EMP3: variants seen among roughly 807,000 people sequenced by gnomAD.
The protein encoded by EMP3 is epithelial membrane protein 3.
In EMP3, 15 loss-of-function variants were observed where a neutral mutation model predicts 21.6. The observed-to-expected ratio is 0.69, with a 90% CI of 0.46 to 1.07. The LOEUF is 1.07. EMP3 is among the 50% of genes least tolerant of loss of function. EMP3 has a pLI of 0.00. For missense variants in EMP3, 183 were observed against 206.6 expected, an observed-to-expected ratio of 0.89 and a Z score of 0.70; for synonymous variants, 107 against 86.1, an observed-to-expected ratio of 1.24 and a Z score of -1.34.
Position 48,327,575 on chromosome 19 carries a change from T to C in EMP3, c.133T>C (p.Trp45Arg). The C allele has an allele frequency of 6.2e-7, 1 of 1,613,924 alleles. No individual in the cohort carries two copies. Among genetic ancestry groups the C allele is most frequent in the East Asian group, 2.2e-5 (1 of 44,870 alleles). ...ESLNLWYDCTWNNDTKTWACS... is the reference protein window; with the variant it reads ...ESLNLWYDCTRNNDTKTWACS... ...CCTGAATCTCTGGTACGACTGCACG[T>C]GGAACAACGACACCAAAACATGGGC... is the stretch of plus-strand genomic sequence containing the variant. Residue 45 changes from tryptophan to arginine, a missense_variant, in exon 3 of 5, where the codon TGG (tryptophan) becomes CGG (arginine). Transcript: ENST00000270221.
In EMP3 at chr19:48,329,483, C is replaced by T. The variant is rs761998463; in HGVS notation, c.313C>T (p.Leu105Phe). The change falls in exon 4 of 5, where the codon CTT (leucine) becomes TTT (phenylalanine). Residue 105 changes from leucine (L) to phenylalanine (F), a missense_variant. Coordinates refer to ENST00000270221, the MANE Select transcript of EMP3 (RefSeq NM_001425.3). This position sits in a 1 kb window ranked among gnomAD's most constrained non-coding sequence, Gnocchi z 4.5. ...CTTCTATGCCACCGGCCTCTGCCAG[C>T]TTTGCACCAGTGAGCACTGCCCCTC... ...GLFYATGLCQLCTSVAVFTGA... is the reference protein window; with the variant it reads ...GLFYATGLCQFCTSVAVFTGA... The T allele has an allele frequency of 1.4e-5, 22 of 1,614,148 alleles. No homozygotes were observed. The South Asian group carries it at 2.4e-4, about 18-fold the overall frequency.
intron 3 of EMP3, 36 bp downstream of exon 3, chr19:48,327,659 G>A: frequency 6.3e-6 from 10 of 1,585,582 alleles, no homozygotes; most frequent in Middle Eastern, 1.7e-4. Context: ...GTCTTCAAAG[G>A]GGAAGGTAAA....
In EMP3 at chr19:48,327,569, T is replaced by C. The variant is rs1476209533; in HGVS notation, c.127T>C (p.Cys43Arg). 2 of 1,613,960 alleles carry C rather than the reference T, an allele frequency of 1.2e-6. No homozygotes were observed. Among genetic ancestry groups the C allele is most frequent in the Non-Finnish European group, 1.7e-6 (2 of 1,179,966 alleles). The change falls in exon 3 of 5, where the codon TGC (cysteine) becomes CGC (arginine). Residue 43 changes from cysteine to arginine, a missense_variant. By Grantham distance (180) the Cys-to-Arg change is radical. Coordinates refer to ENST00000270221, the MANE Select transcript of EMP3 (RefSeq NM_001425.3). ...AGAGTCCCTGAATCTCTGGTACGACTGCACGTGGAACAACGACACCAAAAC... is the reference window on the plus strand; with the variant it reads ...AGAGTCCCTGAATCTCTGGTACGACCGCACGTGGAACAACGACACCAAAAC... The part of the protein sequence containing the change: ...GKESLNLWYD[C>R]TWNNDTKTWA...
Position 48,329,356 on chromosome 19 carries a change from GC to G in EMP3, c.187del (p.Leu63Ter). ...ACSNVSENGW[L>X]KAVQVLMVLS... is the part of the protein sequence containing the mutation. ...TCTGTGTCCTCCTTACTGCAGGCTG[GC>G]TGAAGGCGGTGCAGGTCCTCATGGT... On this transcript the variant is annotated frameshift_variant, in exon 4 of 5. Transcript: ENST00000270221. LOFTEE classifies it high-confidence loss of function. The surrounding 1 kb of genome is among the most constrained non-coding windows in gnomAD (Gnocchi z 4.5). The G allele has an allele frequency of 6.2e-7, 1 of 1,614,108 alleles. No individual in the cohort carries two copies. Among genetic ancestry groups the G allele is most frequent in the Non-Finnish European group, 8.5e-7 (1 of 1,180,016 alleles).
chr19:48,328,121 G>A (rs748441117), intron 3 of EMP3, among the ~76,000 whole-genome samples: 1 of 152,068 alleles, frequency 6.6e-6, no homozygotes, highest in Non-Finnish European at 1.5e-5. Context: ...CTCCTGTTCT[G>A]AAGAGGCCAT....
Position 48,326,508 on chromosome 19 carries a change from T to G in EMP3, c.-15-322T>G, listed in dbSNP as rs571905966. Among the ~76,000 whole-genome samples the G allele has an allele frequency of 3.4e-3, 521 of 151,658 alleles. 3 individuals are homozygous for G. Among genetic ancestry groups the G allele is most frequent in the Non-Finnish European group, 5.8e-3 (393 of 67,808 alleles). ...TTTATGCCAAATTTTTTTTTTTTTT[T>G]GAGACGGAGTCTTTCTCTGTCACCC... On this transcript the variant is annotated intron_variant, in intron 1 of 4. Coordinates refer to ENST00000270221, the MANE Select transcript of EMP3 (RefSeq NM_001425.3).
At chr19:48,330,225 T>G in intron 4 of EMP3, 76 bp from the exon 5 acceptor site, 1 of 1,468,198 alleles carries the variant, frequency 6.8e-7, no homozygotes, top group East Asian at 2.6e-5. Context: ...CTCCGGCGCT[T>G]CTTTGCCCCC....
chr19:48,326,745 C>A, intron 1 of EMP3, 85 bp from the exon 2 acceptor site: 1 of 1,156,694 alleles, frequency 8.6e-7, no homozygotes, highest in Non-Finnish European at 1.3e-6. Context: ...CCGCCTCGGC[C>A]TCCCAAAGTG....
chr19:48,329,403 G>C lies in EMP3; in HGVS notation c.233G>C (p.Cys78Ser), dbSNP rs370028365. The change falls in exon 4 of 5, where the codon TGT (cysteine) becomes TCT (serine). Residue 78 changes from cysteine to serine, a missense_variant. Coordinates refer to ENST00000270221, the MANE Select transcript of EMP3 (RefSeq NM_001425.3). This position sits in a 1 kb window ranked among gnomAD's most constrained non-coding sequence, Gnocchi z 4.5. The stretch of plus-strand genomic sequence containing the variant: ...ATGGTGCTCTCCCTCATTCTCTGCT[G>C]TCTCTCCTTCATCCTGTTCATGTTC... The part of the protein sequence containing the change: ...VLMVLSLILC[C>S]LSFILFMFQL... 6.2e-7 allele frequency: 1 copy of C among 1,614,062 alleles called. No individual in the cohort carries two copies. The highest frequency in any genetic ancestry group is 8.5e-7 in the Non-Finnish European group (1 of 1,180,004).
At position 48,330,433 on chromosome 19, in the gene EMP3, G is replaced by A. The variant is rs1969190484; in HGVS notation, c.455G>A (p.Ser152Asn). The change falls in exon 5 of 5, where the codon AGC becomes AAC. Residue 152 changes from serine to asparagine, a missense_variant. Ser to Asn is a conservative substitution (Grantham distance 46, BLOSUM62 1). Transcript: ENST00000270221. ...AWVAFPLALV[S>N]GIIYIHLRKR... is the part of the protein sequence containing the mutation. ...GTGGCCTTCCCCCTCGCCCTGGTCA[G>A]CGGCATCATCTACATCCACCTACGG... 1.3e-6 allele frequency: 2 copies of A among 1,596,764 alleles called. No individual in the cohort carries two copies. Among genetic ancestry groups the A allele is most frequent in the Admixed American group, 3.5e-5 (2 of 57,788 alleles).
chr19:48,329,305 A>G lies in EMP3; in HGVS notation c.182-47A>G. The G allele has an allele frequency of 6.2e-7, 1 of 1,611,082 alleles. No individual in the cohort carries two copies. Among genetic ancestry groups the G allele is most frequent in the East Asian group, 2.2e-5 (1 of 44,848 alleles). ...TGGTGAGCAAGCAGGTGAAGCTGGA[A>G]CTCTGGACCCACGGTGATGTCCCCC... On this transcript the variant is annotated intron_variant, in intron 3 of 4. Transcript: ENST00000270221. This position sits in a 1 kb window ranked among gnomAD's most constrained non-coding sequence, Gnocchi z 4.5.
intron 3 of EMP3, among the ~76,000 whole-genome samples, chr19:48,328,169 G>C (rs73047555): frequency 0.13 from 19,622 of 151,964 alleles, 1,484 homozygotes; most frequent in East Asian, 0.21. Flanking sequence ...AGAATAGAGA[G>C]GGGAGGCCAA....
chr19:48,326,826 C>T lies in EMP3; in HGVS notation c.-15-4C>T. ...AGACTCCGTCCCCTGCTCCCCCTCCCCAGGCTTCCACTGCAGCCATGTCAC... is the reference window on the plus strand; with the variant it reads ...AGACTCCGTCCCCTGCTCCCCCTCCTCAGGCTTCCACTGCAGCCATGTCAC... On this transcript the variant is annotated splice_region_variant and splice_polypyrimidine_tract_variant and intron_variant, in intron 1 of 4. Transcript: ENST00000270221. 5.6e-6 allele frequency: 9 copies of T among 1,613,330 alleles called. No homozygotes were observed. Among genetic ancestry groups the T allele is most frequent in the Non-Finnish European group, 6.8e-6 (8 of 1,179,408 alleles).
chr19:48,327,803 G>GTT (rs372351440), intron 3 of EMP3, 180 bp downstream of exon 3: 3 of 569,294 alleles, frequency 5.3e-6, no homozygotes, highest in African/African-American at 1.9e-5. Flanking sequence ...CCTACCTCTT[G>GTT]TTTTTTTTGT....
intron 4 of EMP3, 31 bp from the exon 5 acceptor site, chr19:48,330,270 C>T (rs766941388): frequency 3.9e-6 from 6 of 1,550,072 alleles, no homozygotes; most frequent in Admixed American, 2.0e-5. Flanking sequence ...TGAGGGGGCA[C>T]TGCATGACGT....
chr19:48,330,258 C>A (rs942427137), intron 4 of EMP3, 43 bp from the exon 5 acceptor site: 2 of 1,517,350 alleles, frequency 1.3e-6, no homozygotes, highest in Admixed American at 4.4e-5. Context: ...GAAATGTAGT[C>A]TTGAGGGGGC....
chr19:48,327,639 G>T lies in EMP3; in HGVS notation c.181+16G>T, dbSNP rs752917182. ...AGCGAGAATGGTGAGGGGTGAGGGC[G>T]GCGGGACTGGTCTTCAAAGGGGAAG... On this transcript the variant is annotated intron_variant, in intron 3 of 4. Transcript: ENST00000270221. 3.7e-6 allele frequency: 6 copies of T among 1,607,280 alleles called. No individual in the cohort carries two copies. In the South Asian group the frequency reaches 5.5e-5, roughly 15 times the overall value.
intron 3 of EMP3, among the ~76,000 whole-genome samples, chr19:48,328,254 AC>A (rs1600883891): frequency 6.6e-6 from 1 of 151,964 alleles, no homozygotes; most frequent in Non-Finnish European, 1.5e-5. Flanking sequence ...TACTAAAAAT[AC>A]AAAAAAATTA....
chr19:48,327,556 T>C lies in EMP3; in HGVS notation c.114T>C (p.Asn38=). Residue 38 remains asparagine (N), a synonymous_variant, in exon 3 of 5, where the codon AAT becomes AAC. Coordinates refer to ENST00000270221, the MANE Select transcript of EMP3 (RefSeq NM_001425.3). ...CTCTCCCTGGGAAAGAGTCCCTGAATCTCTGGTACGACTGCACGTGGAACA... is the reference window on the plus strand; with the variant it reads ...CTCTCCCTGGGAAAGAGTCCCTGAACCTCTGGTACGACTGCACGTGGAACA... ...WWTLPGKESL[N]LWYDCTWNND... is the part of the protein sequence containing the mutation. 2 of 1,613,770 alleles carry C rather than the reference T, an allele frequency of 1.2e-6. No individual in the cohort carries two copies. Among genetic ancestry groups the C allele is most frequent in the South Asian group, 1.1e-5 (1 of 91,002 alleles).
Sources: allele counts gnomAD v4.1 joint callset (sites outside exome capture counted in the v4.1 genomes callset), GRCh38; gene constraint gnomAD v4.1.1; non-coding constraint Gnocchi (gnomAD v3.1); transcripts MANE v1.5; gene names NCBI Gene and HGNC (gene_info 2026-07-23, HGNC 2026-07-21).